The following SCN1B variants were observed in gnomAD, a reference collection of about 807,000 sequenced individuals.
SCN1B encodes sodium channel regulatory subunit beta-1.
Under a neutral mutation model 25.7 loss-of-function variants are expected in SCN1B, and 11 were observed. The observed-to-expected ratio is 0.43, with a 90% confidence interval of 0.27 to 0.71. SCN1B has a LOEUF of 0.71. Ranked by LOEUF, SCN1B falls within the 30% of genes least tolerant of loss-of-function variation. The probability of loss-of-function intolerance (pLI) is 0.21; values close to 1 mark genes in which losing one functional copy is unlikely to be tolerated. For synonymous variants in SCN1B, 119 were observed against 117.5 expected (o/e 1.01, Z -0.08); for missense variants, 224 against 291.5 (o/e 0.77, Z 1.69).
chr19:35,038,827 A>G, intron 3 of SCN1B: 1 of 475,710 alleles, frequency 2.1e-6, no homozygotes, highest in Admixed American at 3.3e-5. Flanking sequence ...ACAGCTGGCC[A>G]GTGGCAGAGC....
intron 3 of SCN1B, chr19:35,036,555 C>T (rs993057302): frequency 1.3e-5 from 2 of 151,866 alleles, no homozygotes; most frequent in African/African-American, 2.4e-5. Flanking sequence ...GCCTCAGCCT[C>T]CCAAGTAGGT....
chr19:35,033,481 C>A lies in SCN1B; in HGVS notation c.208-18C>A. 2 of 1,613,384 alleles carry A rather than the reference C, an allele frequency of 1.2e-6. No individual in the cohort carries two copies. Among genetic ancestry groups the A allele is most frequent in the South Asian group, 2.2e-5 (2 of 91,050 alleles). ...GAGGCCCAGGCAGTGACACCTTCCC[C>A]TCCCTGGCTACCCCTAGATCCTGCG... On this transcript the variant is annotated intron_variant, in intron 2 of 5. Transcript: ENST00000262631.
chr19:35,038,565 G>A, intron 3 of SCN1B: 1 of 192,518 alleles, frequency 5.2e-6, no homozygotes. Flanking sequence ...AAGAGGCAGA[G>A]CCGGGATTTG....
At chr19:35,030,888 GGGGGGCACCGC>G in intron 1 of SCN1B, 28 bp downstream of exon 1, 2 of 519,258 alleles carry the variant, frequency 3.9e-6, no homozygotes, top group Admixed American at 5.5e-5. Flanking sequence ...GCGCGCGGCC[GGGGGGCACCGC>G]GGGGGCACTG....
intron 3 of SCN1B, chr19:35,036,508 C>T (rs1277900292): frequency 2.0e-5 from 3 of 151,696 alleles, no homozygotes; most frequent in East Asian, 1.9e-4. Context: ...AGTACAATGT[C>T]GGCTCACTGC....
rs73929262 is a variant in SCN1B at position 35,032,289 on chromosome 19, T to G, written c.41-239T>G. ...CATGTACAAGGCCCTACCTAATGTA[T>G]GAAAATGGGCCCAGCCATTGCTGGA... On this transcript the variant is annotated intron_variant, in intron 1 of 5. Coordinates refer to ENST00000262631, the MANE Select transcript of SCN1B (RefSeq NM_001037.5). This position sits in a 1 kb window ranked among gnomAD's most constrained non-coding sequence, Gnocchi z 4.3. 0.024 allele frequency among the ~76,000 whole-genome samples: 3,649 copies of G among 152,282 alleles called. 159 individuals carry two copies. Among genetic ancestry groups the G allele is most frequent in the African/African-American group, 0.083 (3,463 of 41,536 alleles).
Position 35,030,685 on chromosome 19 carries a change from T to C in SCN1B, c.-136T>C. The C allele has an allele frequency of 6.2e-6, 1 of 160,970 alleles. No individual in the cohort carries two copies. Among genetic ancestry groups the C allele is most frequent in the Non-Finnish European group, 1.3e-5 (1 of 76,922 alleles). The allele number at this position is 160,970 out of a possible 1,614,324, so 10.0% of individuals were successfully genotyped here. Reference sequence around the variant, plus strand: ...GGGCCGCGCCCCCCCTCCTCCCCCCTCGCCGGTCCCAGAGCCGCAGCTGCT... The same window carrying C: ...GGGCCGCGCCCCCCCTCCTCCCCCCCCGCCGGTCCCAGAGCCGCAGCTGCT... On this transcript the variant is annotated 5_prime_UTR_variant, in exon 1 of 6. Coordinates refer to ENST00000262631, the MANE Select transcript of SCN1B (RefSeq NM_001037.5).
chr19:35,034,418 A>C lies in SCN1B; in HGVS notation c.448+679A>C, dbSNP rs61377791. ...CAGGTGCGGGGCCCACCCTCTGAGCAGCAAGGGCCTACAGCGCTTTTGAAC... is the reference window on the plus strand; with the variant it reads ...CAGGTGCGGGGCCCACCCTCTGAGCCGCAAGGGCCTACAGCGCTTTTGAAC... On this transcript the variant is annotated intron_variant, in intron 3 of 5. Transcript: ENST00000262631. 109,343 of 392,006 alleles carry C rather than the reference A, an allele frequency of 0.28. 16,748 individuals carry two copies. The highest frequency in any genetic ancestry group is 0.43 in the Middle Eastern group (554 of 1,292). 24.3% of individuals were successfully genotyped at this position (392,006 alleles called of 1,614,324 possible). A position where few individuals can be genotyped will look rare whatever the true frequency, so the allele number is the denominator to read the frequency against.
intron 3 of SCN1B, chr19:35,034,250 G>C: frequency 7.3e-7 from 1 of 1,369,328 alleles, no homozygotes; most frequent in Non-Finnish European, 9.9e-7. Context: ...AGGCAAGAGA[G>C]CGTGCCACCT....
chr19:35,039,774 C>A, intron 5 of SCN1B, 23 bp from the exon 6 acceptor site: 1 of 1,497,514 alleles, frequency 6.7e-7, no homozygotes, highest in Non-Finnish European at 9.3e-7. Context: ...GTCCCTAATT[C>A]CCCCTCTCTT....
rs72550245 is a variant in SCN1B at position 35,039,355 on chromosome 19, C to T, written c.590+97C>T. 1.3e-3 allele frequency: 1,996 copies of T among 1,535,790 alleles called. 21 individuals are homozygous for T. The African/African-American group carries it at 0.022, about 17-fold the overall frequency. The stretch of plus-strand genomic sequence containing the variant: ...CCCGGGCAGGGAGGAGGCAGCGGAG[C>T]GGCCCAGGGCGCCATCTCTCAGTAC... On this transcript the variant is annotated intron_variant, in intron 4 of 5. Transcript: ENST00000262631.
chr19:35,036,441 T>A (rs2064248055), intron 3 of SCN1B: 1 of 152,076 alleles, frequency 6.6e-6, no homozygotes, highest in Admixed American at 6.6e-5. Flanking sequence ...CATTCCTTAT[T>A]ATTATTATTT....
Position 35,040,162 on chromosome 19 carries a change from C to T in SCN1B, c.*371C>T, listed in dbSNP as rs2064278748. The T allele has an allele frequency of 5.7e-6, 1 of 175,478 alleles. No individual in the cohort carries two copies. Among genetic ancestry groups the T allele is most frequent in the Non-Finnish European group, 1.2e-5 (1 of 80,710 alleles). The allele number at this position is 175,478 out of a possible 1,614,324, so 10.9% of individuals were successfully genotyped here. A position where few individuals can be genotyped will look rare whatever the true frequency, so the allele number is the denominator to read the frequency against. On this transcript the variant is annotated 3_prime_UTR_variant, in exon 6 of 6. Coordinates refer to ENST00000262631, the MANE Select transcript of SCN1B (RefSeq NM_001037.5). Reference sequence around the variant, plus strand: ...CAGACACGCACTTCTGGGGCCAGCCCCTCCCCGCCTCCTCCCTGCCTGGCG... The same window carrying T: ...CAGACACGCACTTCTGGGGCCAGCCTCTCCCCGCCTCCTCCCTGCCTGGCG...
intron 2 of SCN1B, 128 bp from the exon 3 acceptor site, chr19:35,033,371 G>T: frequency 4.5e-6 from 7 of 1,549,500 alleles, no homozygotes; most frequent in Non-Finnish European, 6.1e-6. Context: ...CCTGCCTGAG[G>T]TCAAGGTGTC....
chr19:35,033,244 T>G (rs1175585070), intron 2 of SCN1B, among the ~76,000 whole-genome samples: 1 of 152,012 alleles, frequency 6.6e-6, no homozygotes, highest in East Asian at 1.9e-4. Context: ...AGAGGCCAGA[T>G]GGGGCTTGGG....
Position 35,030,847 on chromosome 19 carries a change from C to A in SCN1B, c.27C>A (p.Val9=), listed in dbSNP as rs2151745350. 1 of 966,126 alleles carries A rather than the reference C, an allele frequency of 1.0e-6. No homozygotes were observed. The highest frequency in any genetic ancestry group is 1.3e-6 in the Non-Finnish European group (1 of 775,776). 59.8% of individuals were successfully genotyped at this position (966,126 alleles called of 1,614,324 possible). The change falls in exon 1 of 6, where the codon GTC becomes GTA. Residue 9 remains valine, a synonymous_variant. Transcript: ENST00000262631. ...TGGGGAGGCTGCTGGCCTTAGTGGTCGGCGCGGCACTGGGTGAGTGCGCGG... is the reference window on the plus strand; with the variant it reads ...TGGGGAGGCTGCTGGCCTTAGTGGTAGGCGCGGCACTGGGTGAGTGCGCGG... MGRLLALV[V]GAALVSSACG...
Position 35,032,666 on chromosome 19 carries a change from G to A in SCN1B, c.179G>A (p.Arg60His), listed in dbSNP as rs2064221894. 2 of 1,613,990 alleles carry A rather than the reference G, an allele frequency of 1.2e-6. No individual in the cohort carries two copies. Among genetic ancestry groups the A allele is most frequent in the Non-Finnish European group, 1.7e-6 (2 of 1,180,030 alleles). Residue 60 changes from arginine to histidine, a missense_variant, in exon 2 of 6, where the codon CGC becomes CAC. Coordinates refer to ENST00000262631, the MANE Select transcript of SCN1B (RefSeq NM_001037.5). This position sits in a 1 kb window ranked among gnomAD's most constrained non-coding sequence, Gnocchi z 4.3. ...GAGACCTTCACCGAGTGGACCTTCC[G>A]CCAGAAGGGCACTGAGGAGTTTGTC... ...NAETFTEWTFRQKGTEEFVKI... is the reference protein window; with the variant it reads ...NAETFTEWTFHQKGTEEFVKI...
intron 3 of SCN1B, chr19:35,038,501 A>G (rs1290111103): frequency 6.0e-6 from 1 of 166,586 alleles, no homozygotes; most frequent in Non-Finnish European, 1.3e-5. Flanking sequence ...TCCCATCTCC[A>G]TTTTACAGAG....
intron 3 of SCN1B, chr19:35,034,177 G>C: frequency 3.2e-6 from 5 of 1,542,836 alleles, no homozygotes; most frequent in Non-Finnish European, 4.4e-6. Context: ...CCTTGCAGGT[G>C]GTGGCGAGGG....
Sources: allele counts gnomAD v4.1 joint callset (sites outside exome capture counted in the v4.1 genomes callset), GRCh38; gene constraint gnomAD v4.1.1; non-coding constraint Gnocchi (gnomAD v3.1); transcripts MANE v1.5; gene names NCBI Gene and HGNC (gene_info 2026-07-23, HGNC 2026-07-21).